The following RLN2 variants were observed in gnomAD, a reference collection of about 807,000 sequenced individuals.
The protein encoded by RLN2 is prorelaxin H2.
Under a neutral mutation model 7.3 loss-of-function variants are expected in RLN2, and 10 were observed. The ratio of observed to expected loss-of-function variants is 1.36; its 90% confidence interval spans 0.84 to 2.31. The LOEUF (loss-of-function observed/expected upper bound fraction) is 2.31, where lower values mean the gene tolerates loss of function less well. RLN2 is among the 30% of genes most tolerant of loss of function. The probability of loss-of-function intolerance (pLI) is 0.00; values close to 1 mark genes in which losing one functional copy is unlikely to be tolerated. For missense variants in RLN2, 298 were observed against 217.6 expected, an observed-to-expected ratio of 1.37 and a Z score of -2.32; for synonymous variants, 103 against 82.3, an observed-to-expected ratio of 1.25 and a Z score of -1.36.
the RLN2 span, among the ~76,000 whole-genome samples, chr9:5,321,516 G>A: frequency 6.6e-6 from 1 of 151,884 alleles, no homozygotes; most frequent in South Asian, 2.1e-4. Flanking sequence ...AGCAGTGACT[G>A]AGCACAATTC....
the RLN2 span, among the ~76,000 whole-genome samples, chr9:5,321,268 T>A: frequency 6.6e-6 from 1 of 152,014 alleles, no homozygotes; most frequent in African/African-American, 2.4e-5. Flanking sequence ...CATTAGAAAA[T>A]GAGCTCATGG....
the RLN2 span, chr9:5,335,745 A>C: frequency 1.6e-6 from 1 of 618,138 alleles, no homozygotes; most frequent in East Asian, 2.7e-5. Flanking sequence ...CCTAATATCT[A>C]AACACTTAGC....
At chr9:5,317,473 C>T in the RLN2 span, among the ~76,000 whole-genome samples, 1 of 148,948 alleles carries the variant, frequency 6.7e-6, no homozygotes, top group African/African-American at 2.5e-5. Flanking sequence ...AATAGCTGGG[C>T]TACACTGAGA....
upstream of RLN2, among the ~76,000 whole-genome samples, chr9:5,305,971 G>A (rs186983736): frequency 1.7e-3 from 265 of 151,928 alleles, 3 homozygotes; most frequent in Non-Finnish European, 3.3e-3. Flanking sequence ...TTTGAGAGAG[G>A]CCTCTCAAAA....
intron 1 of RLN2, among the ~76,000 whole-genome samples, chr9:5,302,593 T>C (rs7846945): frequency 3.3e-5 from 5 of 151,954 alleles, no homozygotes; most frequent in Admixed American, 2.0e-4. Flanking sequence ...ATACTGCACA[T>C]CAATAAAGAA....
chr9:5,317,079 A>G, the RLN2 span, among the ~76,000 whole-genome samples: 1 of 152,064 alleles, frequency 6.6e-6, no homozygotes, highest in Admixed American at 6.6e-5. Flanking sequence ...AATAGCAGAT[A>G]CACAACTGAT....
At chr9:5,325,080 T>C in the RLN2 span, among the ~76,000 whole-genome samples, 2 of 151,966 alleles carry the variant, frequency 1.3e-5, no homozygotes, top group African/African-American at 2.4e-5. Flanking sequence ...AAAATAATAA[T>C]ATAACATTTT....
chr9:5,335,607 T>A, the RLN2 span: 1 of 1,572,056 alleles, frequency 6.4e-7, no homozygotes, highest in South Asian at 1.2e-5. Flanking sequence ...TCTGTTAAGT[T>A]TAAAAAAAAA....
the RLN2 span, chr9:5,311,677 C>T: frequency 7.6e-7 from 1 of 1,311,266 alleles, no homozygotes; most frequent in South Asian, 1.2e-5. Flanking sequence ...CCAAAACAGA[C>T]CAGGCACAGA....
At chr9:5,314,749 G>A in the RLN2 span, among the ~76,000 whole-genome samples, 2 of 151,944 alleles carry the variant, frequency 1.3e-5, no homozygotes, top group African/African-American at 2.4e-5. Flanking sequence ...TCTGCCCTCT[G>A]CTATTCCAGG....
chr9:5,305,382 CA>C (rs1816224889), upstream of RLN2, among the ~76,000 whole-genome samples: 2 of 143,192 alleles, frequency 1.4e-5, no homozygotes, highest in Non-Finnish European at 3.0e-5. Context: ...CACACACACA[CA>C]CACACACACA....
chr9:5,304,241 G>A (rs1465944314), intron 1 of RLN2, 129 bp downstream of exon 1: 16 of 627,126 alleles, frequency 2.6e-5, no homozygotes, highest in South Asian at 1.1e-4. Flanking sequence ...CCACGGCTGA[G>A]TAGGGGCTGA....
At chr9:5,329,267 C>G in the RLN2 span, among the ~76,000 whole-genome samples, 1 of 132,306 alleles carries the variant, frequency 7.6e-6, no homozygotes, top group African/African-American at 2.9e-5. Flanking sequence ...TGCACCACTG[C>G]AGTCCGCAGT....
chr9:5,321,195 G>A, the RLN2 span, among the ~76,000 whole-genome samples: 1 of 152,078 alleles, frequency 6.6e-6, no homozygotes, highest in Non-Finnish European at 1.5e-5. Flanking sequence ...TGGTAAGTAT[G>A]AATGTGAAGG....
At chr9:5,333,617 T>A in the RLN2 span, among the ~76,000 whole-genome samples, 1 of 152,034 alleles carries the variant, frequency 6.6e-6, no homozygotes, top group Non-Finnish European at 1.5e-5. Context: ...CCATTTCTTC[T>A]GAAATGATTC....
chr9:5,314,753 T>C, the RLN2 span, among the ~76,000 whole-genome samples: 239 of 152,116 alleles, frequency 1.6e-3, 1 homozygote, highest in South Asian at 6.2e-3. Context: ...CCCTCTGCTA[T>C]TCCAGGGTCC....
upstream of RLN2, among the ~76,000 whole-genome samples, chr9:5,306,109 GTTT>G (rs199949652): frequency 3.0e-5 from 4 of 131,508 alleles, no homozygotes; most frequent in Non-Finnish European, 4.9e-5. Context: ...TTTGTTTTTT[GTTT>G]TTTTTTTTTT....
Position 5,300,022 on chromosome 9 carries a change from C to A in RLN2, c.*76G>T, listed in dbSNP as rs1428237198. ...TTAGATATTCTAAGAATTGATGGGA[C>A]CTGATAGAAGCATCAGTGAAATGTC... On this transcript the variant is annotated 3_prime_UTR_variant, in exon 2 of 2. Transcript: ENST00000381627. 8 of 880,466 alleles carry A rather than the reference C, an allele frequency of 9.1e-6. No individual in the cohort carries two copies. The highest frequency in any genetic ancestry group is 3.4e-5 in the African/African-American group (2 of 59,196). The allele number at this position is 880,466 out of a possible 1,614,324, so 54.5% of individuals were successfully genotyped here.
At chr9:5,325,004 T>C in the RLN2 span, among the ~76,000 whole-genome samples, 2 of 152,008 alleles carry the variant, frequency 1.3e-5, no homozygotes, top group African/African-American at 2.4e-5. Context: ...AAGTGGGGTG[T>C]TGGGAAACTT....
Sources: gnomAD v4.1 joint callset for allele counts (sites outside exome capture counted in the v4.1 genomes callset) on GRCh38, gnomAD v4.1.1 for gene constraint, MANE v1.5 for transcripts, NCBI Gene and HGNC (gene_info 2026-07-23, HGNC 2026-07-21) for gene names.